Variants in ONECUT3 observed in about 807,000 individuals in gnomAD.
ONECUT3 encodes one cut homeobox 3, also known as one cut domain family member 3.
Under a neutral mutation model 16.8 loss-of-function variants are expected in ONECUT3, and 11 were observed. The ratio of observed to expected loss-of-function variants is 0.66; its 90% CI spans 0.41 to 1.09. ONECUT3 has a LOEUF of 1.09. Ranked by LOEUF, ONECUT3 falls within the 50% of genes least tolerant of loss-of-function variation. ONECUT3 has a pLI of 0.00. For synonymous variants in ONECUT3, 344 were observed against 310.7 expected (o/e 1.11, Z -1.13); for missense variants, 637 against 629.9 (o/e 1.01, Z -0.12).
In ONECUT3 at chr19:1,779,651, C is replaced by T. The variant is rs111988121; in HGVS notation, c.*4206C>T. ...GCATGACTAATGTACTCTTTCTTGA[C>T]GCTAATTGTAATAAAGTGGTCAGGG... On this transcript the variant is annotated 3_prime_UTR_variant, in exon 2 of 2. Transcript: ENST00000382349. The T allele has an allele frequency of 3.7e-5, 5 of 133,620 alleles. No homozygotes were observed. The highest frequency in any genetic ancestry group is 8.6e-5 in the African/African-American group (3 of 34,706). The allele number at this position is 133,620 out of a possible 1,614,324, so 8.3% of individuals were successfully genotyped here. A position where few individuals can be genotyped will look rare whatever the true frequency, so the allele number is the denominator to read the frequency against.
chr19:1,755,204 T>A lies in ONECUT3; in HGVS notation c.1192+350T>A, dbSNP rs1339374317. Among the ~76,000 whole-genome samples, 2 of 152,058 alleles carry A rather than the reference T, an allele frequency of 1.3e-5. No individual in the cohort carries two copies. Among genetic ancestry groups the A allele is most frequent in the Non-Finnish European group, 2.9e-5 (2 of 67,982 alleles). On this transcript the variant is annotated intron_variant, in intron 1 of 1. Transcript: ENST00000382349. This position sits in a 1 kb window ranked among gnomAD's most constrained non-coding sequence, Gnocchi z 7.5. ...CTCATTGTGTGTGTGCGTGTGTGTG[T>A]GTGAGCGCGCGCCTGTTGGGGGGAG...
intron 1 of ONECUT3, among the ~76,000 whole-genome samples, chr19:1,756,545 T>C (rs942050365): frequency 6.6e-6 from 1 of 152,106 alleles, no homozygotes; most frequent in Non-Finnish European, 1.5e-5. Context: ...TATTTATTTA[T>C]TGAGACGGAG....
intron 1 of ONECUT3, among the ~76,000 whole-genome samples, chr19:1,768,820 G>A (rs1424611700): frequency 6.6e-6 from 1 of 151,894 alleles, no homozygotes; most frequent in Non-Finnish European, 1.5e-5. Flanking sequence ...GAAGGTGGAG[G>A]TGATGGAGGT....
rs368855031 is a variant in ONECUT3, at chr19:1,766,815, C to T, written c.1193-8338C>T. On this transcript the variant is annotated intron_variant, in intron 1 of 1. Transcript: ENST00000382349. The surrounding 1 kb of genome is among the most constrained non-coding windows in gnomAD (Gnocchi z 4.0). Reference sequence around the variant, plus strand: ...CTTGCAGGCTGGGCTGAGACCCCCCCCCCATGCTCCACCACCCTCGTGTAG... The same window carrying T: ...CTTGCAGGCTGGGCTGAGACCCCCCTCCCATGCTCCACCACCCTCGTGTAG... Among the ~76,000 whole-genome samples the T allele has an allele frequency of 2.6e-5, 4 of 152,116 alleles. No individual in the cohort carries two copies. The highest frequency in any genetic ancestry group is 5.9e-5 in the Non-Finnish European group (4 of 68,002).
At chr19:1,773,873 C>A (rs8108690) in intron 1 of ONECUT3, among the ~76,000 whole-genome samples, 33,424 of 152,140 alleles carry the variant, frequency 0.22, 4,201 homozygotes, top group African/African-American at 0.36. Flanking sequence ...GAGGGGTTCA[C>A]TTCGCTGCTG....
At chr19:1,767,354 C>A (rs2068001661) in intron 1 of ONECUT3, among the ~76,000 whole-genome samples, 1 of 152,026 alleles carries the variant, frequency 6.6e-6, no homozygotes, top group African/African-American at 2.4e-5. Flanking sequence ...GAAACTGAGG[C>A]TAAGATGGTC....
rs2068139279 is a variant in ONECUT3 at position 1,779,514 on chromosome 19, C to T, written c.*4069C>T. On this transcript the variant is annotated 3_prime_UTR_variant, in exon 2 of 2. Coordinates refer to ENST00000382349, the MANE Select transcript of ONECUT3 (RefSeq NM_001080488.2). ...TGTTCTGTTTCTTGTTTTCTGGAGT[C>T]ATGTCTTATAAGAGTATTTATTATT... 6.7e-6 allele frequency: 1 copy of T among 150,014 alleles called. No homozygotes were observed. The highest frequency in any genetic ancestry group is 1.5e-5 in the Non-Finnish European group (1 of 67,718). 9.3% of individuals were successfully genotyped at this position (150,014 alleles called of 1,614,324 possible). A position where few individuals can be genotyped will look rare whatever the true frequency, so the allele number is the denominator to read the frequency against.
At chr19:1,763,439 A>G (rs2067958399) in intron 1 of ONECUT3, among the ~76,000 whole-genome samples, 1 of 144,958 alleles carries the variant, frequency 6.9e-6, no homozygotes, top group South Asian at 2.3e-4. Flanking sequence ...CCGGCTACTC[A>G]GGAGGCTGAG....
chr19:1,779,041 C>T lies in ONECUT3; in HGVS notation c.*3596C>T, dbSNP rs2068135400. 6.6e-6 allele frequency: 1 copy of T among 152,174 alleles called. No individual in the cohort carries two copies. 9.4% of individuals were successfully genotyped at this position (152,174 alleles called of 1,614,324 possible). On this transcript the variant is annotated 3_prime_UTR_variant, in exon 2 of 2. Transcript: ENST00000382349. ...GCATGCCCACTTGGCTGTCACATAC[C>T]AAAGAGCATGCGTTCTCCATGCAGG...
At chr19:1,769,058 CTGGAGGTGGAGGTGGTGGAAG>C (rs1043964370) in intron 1 of ONECUT3, among the ~76,000 whole-genome samples, 11 of 14,784 alleles carry the variant, frequency 7.4e-4, no homozygotes, top group Non-Finnish European at 1.2e-3. Flanking sequence ...GGTGGAGTTG[CTGGAGGTGGAGGTGGTGGAAG>C]TGGAGGTGGA....
At position 1,764,939 on chromosome 19, in the gene ONECUT3, G is replaced by C. The variant is rs549636801; in HGVS notation, c.1192+10085G>C. Among the ~76,000 whole-genome samples the C allele has an allele frequency of 6.6e-6, 1 of 152,088 alleles. No individual in the cohort carries two copies. Among genetic ancestry groups the C allele is most frequent in the Non-Finnish European group, 1.5e-5 (1 of 67,990 alleles). On this transcript the variant is annotated intron_variant, in intron 1 of 1. Transcript: ENST00000382349. The surrounding 1 kb of genome is among the most constrained non-coding windows in gnomAD (Gnocchi z 5.0). Reference sequence around the variant, plus strand: ...CCGGTCATCATCCCAGCCGGAGACCGGGCTCCATATTGAATTGTCTGCTCC... The same window carrying C: ...CCGGTCATCATCCCAGCCGGAGACCCGGCTCCATATTGAATTGTCTGCTCC...
rs1281291734 is a variant in ONECUT3 at position 1,758,191 on chromosome 19, A to G, written c.1192+3337A>G. Reference sequence around the variant, plus strand: ...GGGAGGGGTCGCGAGACAAAACCAGAGAGTGGGGAGGGAGAGACCGGGAGC... The same window carrying G: ...GGGAGGGGTCGCGAGACAAAACCAGGGAGTGGGGAGGGAGAGACCGGGAGC... On this transcript the variant is annotated intron_variant, in intron 1 of 1. Transcript: ENST00000382349. This position sits in a 1 kb window ranked among gnomAD's most constrained non-coding sequence, Gnocchi z 5.9. 2.6e-5 allele frequency among the ~76,000 whole-genome samples: 4 copies of G among 151,582 alleles called. No homozygotes were observed. The highest frequency in any genetic ancestry group is 5.9e-5 in the Non-Finnish European group (4 of 67,876).
rs56781117 is a variant in ONECUT3, at chr19:1,779,162, A to C, written c.*3717A>C. The C allele has an allele frequency of 6.6e-6, 1 of 152,032 alleles. No individual in the cohort carries two copies. Among genetic ancestry groups the C allele is most frequent in the African/African-American group, 2.4e-5 (1 of 41,308 alleles). The allele number at this position is 152,032 out of a possible 1,614,324, so 9.4% of individuals were successfully genotyped here. A position where few individuals can be genotyped will look rare whatever the true frequency, so the allele number is the denominator to read the frequency against. On this transcript the variant is annotated 3_prime_UTR_variant, in exon 2 of 2. Transcript: ENST00000382349. Reference sequence around the variant, plus strand: ...GTATAGTTTATGTGATTAAAAAAAAATCCTTAGCTAGTTTTTGGAATACGT... The same window carrying C: ...GTATAGTTTATGTGATTAAAAAAAACTCCTTAGCTAGTTTTTGGAATACGT...
intron 1 of ONECUT3, among the ~76,000 whole-genome samples, chr19:1,763,623 C>T (rs2067959654): frequency 6.6e-6 from 1 of 151,980 alleles, no homozygotes; most frequent in South Asian, 2.1e-4. Flanking sequence ...AATTTCAATG[C>T]AAGATGAGGT....
rs1480332434 is a variant in ONECUT3 at position 1,759,960 on chromosome 19, G to A, written c.1192+5106G>A. 1.3e-5 allele frequency among the ~76,000 whole-genome samples: 2 copies of A among 152,122 alleles called. No individual in the cohort carries two copies. Among genetic ancestry groups the A allele is most frequent in the Non-Finnish European group, 2.9e-5 (2 of 68,018 alleles). On this transcript the variant is annotated intron_variant, in intron 1 of 1. Coordinates refer to ENST00000382349, the MANE Select transcript of ONECUT3 (RefSeq NM_001080488.2). This position sits in a 1 kb window ranked among gnomAD's most constrained non-coding sequence, Gnocchi z 4.1. ...CCAGCACCCTCCCACAAAACTTCAG[G>A]GCCCGGGGAGGAGCAGCCCTAGCTA...
At chr19:1,770,434 C>G (rs1270657852) in intron 1 of ONECUT3, among the ~76,000 whole-genome samples, 1 of 152,068 alleles carries the variant, frequency 6.6e-6, no homozygotes, top group Non-Finnish European at 1.5e-5. Context: ...AAGACCCTGT[C>G]TCAAAACAAA....
chr19:1,766,597 G>A lies in ONECUT3; in HGVS notation c.1193-8556G>A, dbSNP rs552965442. Among the ~76,000 whole-genome samples the A allele has an allele frequency of 6.6e-6, 1 of 150,978 alleles. No individual in the cohort carries two copies. The highest frequency in any genetic ancestry group is 2.4e-5 in the African/African-American group (1 of 41,238). On this transcript the variant is annotated intron_variant, in intron 1 of 1. Coordinates refer to ENST00000382349, the MANE Select transcript of ONECUT3 (RefSeq NM_001080488.2). The surrounding 1 kb of genome is among the most constrained non-coding windows in gnomAD (Gnocchi z 4.0). ...GGAGGGTGAGTGGAAAAGGAGGGGT[G>A]AGGAGGAGGAGAGGGGATGGTCCCC...
intron 1 of ONECUT3, among the ~76,000 whole-genome samples, chr19:1,765,901 C>T (rs981386253): frequency 6.6e-6 from 1 of 152,176 alleles, no homozygotes; most frequent in African/African-American, 2.4e-5. Context: ...CAGGCTTCTG[C>T]GGGGTGACAC....
chr19:1,764,989 G>A lies in ONECUT3; in HGVS notation c.1192+10135G>A, dbSNP rs2067972831. On this transcript the variant is annotated intron_variant, in intron 1 of 1. Transcript: ENST00000382349. The surrounding 1 kb of genome is among the most constrained non-coding windows in gnomAD (Gnocchi z 5.0). ...CCTGAAGCCAGAGGTGGCTGAGGGA[G>A]GGGATCTCCAGCTCCAGGACACAGG... Among the ~76,000 whole-genome samples the A allele has an allele frequency of 6.9e-6, 1 of 145,156 alleles. No homozygotes were observed. The highest frequency in any genetic ancestry group is 6.7e-5 in the Admixed American group (1 of 14,958).
Sources: gnomAD v4.1 joint callset for allele counts (sites outside exome capture counted in the v4.1 genomes callset) on GRCh38, gnomAD v4.1.1 for gene constraint, Gnocchi (gnomAD v3.1) non-coding constraint, MANE v1.5 for transcripts, NCBI Gene and HGNC (gene_info 2026-07-23, HGNC 2026-07-21) for gene names.